The following BRD9 variants were observed in gnomAD, a reference collection of about 807,000 sequenced individuals.
BRD9 encodes bromodomain-containing protein 9.
A neutral mutation model predicts 68.7 loss-of-function variants in BRD9; 47 were observed. The ratio of observed to expected loss-of-function variants is 0.68; its 90% CI spans 0.54 to 0.87. The LOEUF (loss-of-function observed/expected upper bound fraction) is 0.87, where lower values mean the gene tolerates loss of function less well. Ranked by LOEUF, BRD9 falls within the 40% of genes least tolerant of loss-of-function variation. BRD9 has a pLI of 0.00. For missense variants in BRD9, 670 were observed against 748.4 expected (o/e 0.90, Z 1.22); for synonymous variants, 313 against 293.9 (o/e 1.06, Z -0.67).
intron 2 of BRD9, 29 bp from the exon 3 acceptor site, chr5:891,316 AG>A: frequency 6.5e-7 from 1 of 1,546,784 alleles, no homozygotes; most frequent in Non-Finnish European, 8.7e-7. Context: ...GGAGTGAGAA[AG>A]GCAGGAGTAG....
rs558833721 is a variant in BRD9, at chr5:889,535, G to A, written c.461+52C>T. The A allele has an allele frequency of 3.5e-4, 557 of 1,590,018 alleles. 7 individuals are homozygous for A. In the South Asian group the frequency reaches 4.1e-3, roughly 12 times the overall value. On this transcript the variant is annotated intron_variant, in intron 4 of 15. Transcript: ENST00000467963. The stretch of plus-strand genomic sequence containing the variant: ...GCGTGGGGAATAAGGCCTCAGAAAA[G>A]ATGACACCACACCCCCCCAGACACT...
chr5:881,432 CT>C (rs1194726571), intron 8 of BRD9: 5 of 561,932 alleles, frequency 8.9e-6, no homozygotes, highest in Non-Finnish European at 1.6e-5. Flanking sequence ...AAACAAAAAC[CT>C]TCACCCACGA....
intron 9 of BRD9, 40 bp downstream of exon 9, chr5:881,067 T>G: frequency 1.3e-6 from 2 of 1,596,862 alleles, no homozygotes; most frequent in East Asian, 4.5e-5. Flanking sequence ...CAAAAAGCAG[T>G]GTACGGAGAG....
chr5:874,479 G>A lies in BRD9; in HGVS notation c.1383+1622C>T, dbSNP rs113229955. Among the ~76,000 whole-genome samples, 763 of 152,194 alleles carry A rather than the reference G, an allele frequency of 5.0e-3. 6 individuals carry two copies. Among genetic ancestry groups the A allele is most frequent in the African/African-American group, 0.017 (725 of 41,510 alleles). On this transcript the variant is annotated intron_variant, in intron 12 of 15. Transcript: ENST00000467963. ...ACTGGCCACATTCAAATTTCCCAGCGGCCATGTGGCCAGTGCTTTTTTATC... is the reference window on the plus strand; with the variant it reads ...ACTGGCCACATTCAAATTTCCCAGCAGCCATGTGGCCAGTGCTTTTTTATC...
intron 12 of BRD9, among the ~76,000 whole-genome samples, chr5:874,097 C>T (rs1289780602): frequency 1.3e-5 from 2 of 152,196 alleles, no homozygotes; most frequent in Non-Finnish European, 2.9e-5. Context: ...GCACACGCCT[C>T]GTTCTAAATG....
At chr5:890,859 T>C (rs1369249516) in intron 3 of BRD9, among the ~76,000 whole-genome samples, 1 of 152,194 alleles carries the variant, frequency 6.6e-6, no homozygotes, top group Non-Finnish European at 1.5e-5. Context: ...TTGGTCTCTG[T>C]GGAGATGCCT....
intron 15 of BRD9, 112 bp downstream of exon 15, chr5:865,294 ACCGCTGCC>A: frequency 7.5e-7 from 1 of 1,325,692 alleles, no homozygotes; most frequent in Non-Finnish European, 1.0e-6. Flanking sequence ...CCACAACAGC[ACCGCTGCC>A]CATGCAGCCT....
intron 5 of BRD9, among the ~76,000 whole-genome samples, chr5:888,604 G>A (rs181697956): frequency 6.6e-6 from 1 of 152,290 alleles, no homozygotes; most frequent in East Asian, 1.9e-4. Flanking sequence ...TAAGAGCAAA[G>A]TACTCAGGAG....
chr5:864,294 C>T lies in BRD9; in HGVS notation c.*174G>A, dbSNP rs1579880426. 1 of 523,222 alleles carries T rather than the reference C, an allele frequency of 1.9e-6. No individual in the cohort carries two copies. Among genetic ancestry groups the T allele is most frequent in the Non-Finnish European group, 3.4e-6 (1 of 293,382 alleles). 32.4% of individuals were successfully genotyped at this position (523,222 alleles called of 1,614,324 possible). A position where few individuals can be genotyped will look rare whatever the true frequency, so the allele number is the denominator to read the frequency against. ...GCGTATGACTCCACTCCTCAGGGTTCGTGGGGCTTGGAGACTCTGCTGACA... is the reference window on the plus strand; with the variant it reads ...GCGTATGACTCCACTCCTCAGGGTTTGTGGGGCTTGGAGACTCTGCTGACA... On this transcript the variant is annotated 3_prime_UTR_variant, in exon 16 of 16. Coordinates refer to ENST00000467963, the MANE Select transcript of BRD9 (RefSeq NM_023924.5).
intron 5 of BRD9, chr5:888,427 G>A (rs1308128572): frequency 1.3e-5 from 2 of 152,282 alleles, no homozygotes; most frequent in African/African-American, 4.8e-5. Context: ...GCATAAAATA[G>A]AAAAGTCAAG....
intron 11 of BRD9, among the ~76,000 whole-genome samples, chr5:876,669 A>G (rs1441939011): frequency 1.3e-5 from 2 of 152,222 alleles, no homozygotes; most frequent in African/African-American, 4.8e-5. Flanking sequence ...TATACATGAA[A>G]CAGCTTAAAA....
At chr5:877,973 A>C (rs1751209555) in intron 11 of BRD9, among the ~76,000 whole-genome samples, 1 of 152,136 alleles carries the variant, frequency 6.6e-6, no homozygotes, top group Admixed American at 6.5e-5. Flanking sequence ...GCTCGGGAGG[A>C]ACCAGCCCTG....
intron 12 of BRD9, among the ~76,000 whole-genome samples, chr5:874,478 C>T (rs976163896): frequency 2.6e-5 from 4 of 152,210 alleles, no homozygotes; most frequent in African/African-American, 7.2e-5. Flanking sequence ...AATTTCCCAG[C>T]GGCCATGTGG....
intron 9 of BRD9, 124 bp downstream of exon 9, chr5:880,983 G>A (rs560570667): frequency 1.8e-5 from 17 of 971,328 alleles, no homozygotes; most frequent in South Asian, 7.7e-5. Context: ...GAGCAAGGTC[G>A]GGAAGCCGGG....
chr5:870,004 C>T (rs1310465568), intron 14 of BRD9, among the ~76,000 whole-genome samples: 1 of 152,250 alleles, frequency 6.6e-6, no homozygotes, highest in Non-Finnish European at 1.5e-5. Context: ...TGTCCACACA[C>T]TAGGCTGACA....
chr5:865,656 C>A, intron 14 of BRD9, 75 bp from the exon 15 acceptor site: 2 of 1,453,878 alleles, frequency 1.4e-6, no homozygotes, highest in Non-Finnish European at 1.9e-6. Flanking sequence ...GAGCACACTG[C>A]CCATCCAGAC....
chr5:867,146 C>T (rs1417427498), intron 14 of BRD9, among the ~76,000 whole-genome samples: 1 of 152,216 alleles, frequency 6.6e-6, no homozygotes, highest in Non-Finnish European at 1.5e-5. Context: ...AGGGTCGATG[C>T]TTCAGAGGGT....
intron 5 of BRD9, 133 bp from the exon 6 acceptor site, chr5:887,604 CTAAACATAACGTTTAAGAACTTAAGAGAA>C: frequency 1.4e-6 from 1 of 714,744 alleles, no homozygotes; most frequent in South Asian, 1.6e-5. Flanking sequence ...GCTCTCTGAT[CTAAACATAACGTTTAAGAACTTAAGAGAA>C]GTTTTCTTAG....
chr5:870,191 T>C (rs1232777964), intron 14 of BRD9: 1 of 362,338 alleles, frequency 2.8e-6, no homozygotes, highest in Non-Finnish European at 5.1e-6. Flanking sequence ...TAGGCAACAC[T>C]GATGAAATCC....
Sources: gnomAD v4.1 joint callset for allele counts (sites outside exome capture counted in the v4.1 genomes callset) on GRCh38, gnomAD v4.1.1 for gene constraint, MANE v1.5 for transcripts, NCBI Gene and HGNC (gene_info 2026-07-23, HGNC 2026-07-21) for gene names.